The following TBC1D5 variants were observed in gnomAD, a reference collection of about 807,000 sequenced individuals.
TBC1D5 encodes TBC1 domain family member 5.
Under a neutral mutation model 100.3 loss-of-function variants are expected in TBC1D5, and 75 were observed. The ratio of observed to expected loss-of-function variants is 0.75; its 90% CI spans 0.62 to 0.91. TBC1D5 has a LOEUF of 0.91. Among genes scored for constraint, TBC1D5 ranks in the 40% least tolerant of loss-of-function variants. The pLI, the probability that TBC1D5 is intolerant of heterozygous loss-of-function variation, is 0.00. For synonymous variants in TBC1D5, 323 were observed against 325.6 expected (o/e 0.99, Z 0.09); for missense variants, 910 against 942.4 (o/e 0.97, Z 0.45).
At chr3:17,172,153 G>A (rs964487332) in intron 19 of TBC1D5, among the ~76,000 whole-genome samples, 1 of 152,132 alleles carries the variant, frequency 6.6e-6, no homozygotes, top group Admixed American at 6.5e-5. Flanking sequence ...AATCAACTAA[G>A]CTGACTAGGC....
intron 1 of TBC1D5, among the ~76,000 whole-genome samples, chr3:17,725,679 A>T (rs375156906): frequency 1.1e-4 from 17 of 152,308 alleles, no homozygotes; most frequent in African/African-American, 4.1e-4. Context: ...CTCTCTCTGA[A>T]TTCCTGCCTT....
chr3:17,523,976 G>C (rs1215746127), intron 2 of TBC1D5, among the ~76,000 whole-genome samples: 2 of 152,102 alleles, frequency 1.3e-5, no homozygotes, highest in East Asian at 1.9e-4. Context: ...GGGGTGCAAT[G>C]ATTTTTTAAA....
At chr3:17,460,401 C>T (rs1204738334) in intron 3 of TBC1D5, among the ~76,000 whole-genome samples, 1 of 152,124 alleles carries the variant, frequency 6.6e-6, no homozygotes, top group Non-Finnish European at 1.5e-5. Context: ...TAAAACAATT[C>T]CTATTTCTGT....
At chr3:17,356,848 T>C (rs1314879689) in intron 13 of TBC1D5, among the ~76,000 whole-genome samples, 1 of 152,176 alleles carries the variant, frequency 6.6e-6, no homozygotes, top group East Asian at 1.9e-4. Context: ...CTCTTGGGAC[T>C]TTCTTCTAGA....
intron 13 of TBC1D5, among the ~76,000 whole-genome samples, chr3:17,350,255 T>C (rs1297623411): frequency 1.3e-5 from 2 of 151,240 alleles, no homozygotes; most frequent in Admixed American, 6.6e-5. Context: ...AAGAAAAAAA[T>C]AGATAAGAAA....
At chr3:17,409,072 A>G (rs926481557) in intron 4 of TBC1D5, among the ~76,000 whole-genome samples, 14 of 152,184 alleles carry the variant, frequency 9.2e-5, no homozygotes, top group African/African-American at 2.9e-4. Flanking sequence ...GAGTAGAGGC[A>G]TACCTCATTT....
At chr3:17,661,371 G>A (rs2066626740) in intron 1 of TBC1D5, among the ~76,000 whole-genome samples, 1 of 152,200 alleles carries the variant, frequency 6.6e-6, no homozygotes, top group Non-Finnish European at 1.5e-5. Flanking sequence ...AATTTTGTGT[G>A]TGTACACACA....
intron 2 of TBC1D5, among the ~76,000 whole-genome samples, chr3:17,540,063 T>C (rs1006752574): frequency 2.0e-5 from 3 of 152,228 alleles, no homozygotes; most frequent in African/African-American, 7.2e-5. Context: ...TATTTCATTA[T>C]AGTTTTGATT....
intron 8 of TBC1D5, among the ~76,000 whole-genome samples, chr3:17,384,785 A>G (rs528508157): frequency 6.6e-6 from 1 of 152,236 alleles, no homozygotes; most frequent in African/African-American, 2.4e-5. Flanking sequence ...AGGAAAAGAC[A>G]ATTCCATGAA....
intron 3 of TBC1D5, among the ~76,000 whole-genome samples, chr3:17,504,472 A>C (rs940524793): frequency 6.6e-6 from 1 of 152,218 alleles, no homozygotes; most frequent in Non-Finnish European, 1.5e-5. Context: ...ATTAAAAAAA[A>C]GGATTATATA....
intron 2 of TBC1D5, among the ~76,000 whole-genome samples, chr3:17,594,021 C>G (rs2060405171): frequency 1.3e-5 from 2 of 152,176 alleles, no homozygotes; most frequent in Non-Finnish European, 2.9e-5. Flanking sequence ...GCTTCCTGTT[C>G]TCATGACATT....
intron 13 of TBC1D5, among the ~76,000 whole-genome samples, chr3:17,330,453 G>T (rs1344206172): frequency 6.6e-6 from 1 of 151,958 alleles, no homozygotes; most frequent in African/African-American, 2.4e-5. Flanking sequence ...AGCTCACTCT[G>T]CTTCTTTAGT....
At chr3:17,630,454 T>C (rs1305628074) in intron 1 of TBC1D5, among the ~76,000 whole-genome samples, 1 of 152,188 alleles carries the variant, frequency 6.6e-6, no homozygotes, top group African/African-American at 2.4e-5. Context: ...CTGTGATCAG[T>C]GGCCTTTGAT....
At chr3:17,287,013 T>C (rs1203213934) in intron 15 of TBC1D5, among the ~76,000 whole-genome samples, 1 of 152,218 alleles carries the variant, frequency 6.6e-6, no homozygotes, top group African/African-American at 2.4e-5. Flanking sequence ...CCATAATATA[T>C]GACAGTAGTA....
At chr3:17,221,508 G>A (rs2074284499) in intron 17 of TBC1D5, among the ~76,000 whole-genome samples, 2 of 152,030 alleles carry the variant, frequency 1.3e-5, no homozygotes, top group Non-Finnish European at 2.9e-5. Flanking sequence ...GAAGAGGAAG[G>A]CAGAAGAATG....
chr3:17,177,413 A>G (rs745703993), intron 19 of TBC1D5, among the ~76,000 whole-genome samples: 1 of 152,256 alleles, frequency 6.6e-6, no homozygotes, highest in Non-Finnish European at 1.5e-5. Flanking sequence ...ATGGAGGCTG[A>G]AAAAGAACTT....
Position 17,548,969 on chromosome 3 carries a change from T to C in TBC1D5, c.-35-40364A>G, listed in dbSNP as rs181936200. Among the ~76,000 whole-genome samples the C allele has an allele frequency of 6.6e-3, 999 of 152,348 alleles. 6 individuals are homozygous for C. The highest frequency in any genetic ancestry group is 0.01 in the Non-Finnish European group (713 of 68,034). The stretch of plus-strand genomic sequence containing the variant: ...GTAATAATTTGTTAAACCTTGGTTA[T>C]TAATTTTAAACTACTTCCAACAATC... On this transcript the variant is annotated intron_variant, in intron 2 of 21. Transcript: ENST00000253692.
At chr3:17,636,087 A>AGAGGCT (rs2063890680) in intron 1 of TBC1D5, among the ~76,000 whole-genome samples, 2 of 151,992 alleles carry the variant, frequency 1.3e-5, no homozygotes, top group Non-Finnish European at 2.9e-5. Context: ...CAGCTACTTG[A>AGAGGCT]GAGGCTGAGG....
intron 14 of TBC1D5, among the ~76,000 whole-genome samples, chr3:17,306,622 T>C (rs1444104525): frequency 3.3e-5 from 5 of 152,156 alleles, no homozygotes; most frequent in Non-Finnish European, 7.4e-5. Context: ...ATTAAAAATA[T>C]ATAGTGGTAA....
Sources: allele counts gnomAD v4.1 joint callset (sites outside exome capture counted in the v4.1 genomes callset), GRCh38; gene constraint gnomAD v4.1.1; transcripts MANE v1.5; gene names NCBI Gene and HGNC (gene_info 2026-07-23, HGNC 2026-07-21).